ATXN7: variants seen among roughly 807,000 people sequenced by gnomAD.
ATXN7 encodes the protein ataxin 7, also known as ataxin-7.
A neutral mutation model predicts 70.5 loss-of-function variants in ATXN7; 12 were observed. The observed-to-expected ratio is 0.17, with a 90% CI of 0.11 to 0.28. ATXN7 has a LOEUF of 0.28. Ranked by LOEUF, ATXN7 falls within the 10% of genes least tolerant of loss-of-function variation. The probability of loss-of-function intolerance (pLI) is 1.00; values close to 1 mark genes in which losing one functional copy is unlikely to be tolerated. For missense variants in ATXN7, 1,256 were observed against 1,131.7 expected, an observed-to-expected ratio of 1.11 and a Z score of -1.58; for synonymous variants, 498 against 448.7, an observed-to-expected ratio of 1.11 and a Z score of -1.39.
rs181158691 is a variant in ATXN7, at chr3:63,876,049, T to A, written c.-111+11891T>A. Among the ~76,000 whole-genome samples the A allele has an allele frequency of 3.2e-3, 494 of 152,322 alleles. 1 individual carries two copies. Among genetic ancestry groups the A allele is most frequent in the Non-Finnish European group, 5.3e-3 (363 of 68,028 alleles). On this transcript the variant is annotated intron_variant, in intron 1 of 12. Coordinates refer to ENST00000674280, the MANE Select transcript of ATXN7 (RefSeq NM_001377405.1). ...CACTGATTTCTACAGCTTCTAACCA[T>A]GTTTTGATAAGCACTAGTCAAAAAA...
intron 4 of ATXN7, among the ~76,000 whole-genome samples, chr3:63,938,347 A>C (rs1454058627): frequency 6.6e-6 from 1 of 152,252 alleles, no homozygotes; most frequent in Non-Finnish European, 1.5e-5. Flanking sequence ...CTTGCATTTA[A>C]GTATTTCCCA....
chr3:63,978,399 G>A (rs561452418), intron 5 of ATXN7, among the ~76,000 whole-genome samples: 24 of 152,258 alleles, frequency 1.6e-4, no homozygotes, highest in African/African-American at 5.5e-4. Flanking sequence ...CACAGAAGCT[G>A]TATCGTCTAA....
At chr3:63,879,893 A>G (rs933981059) in intron 1 of ATXN7, among the ~76,000 whole-genome samples, 1 of 151,714 alleles carries the variant, frequency 6.6e-6, no homozygotes, top group Admixed American at 6.6e-5. Context: ...ACCATCCTGG[A>G]TAACATGGTG....
At chr3:63,955,636 T>TGG (rs1176905721) in intron 5 of ATXN7, among the ~76,000 whole-genome samples, 1 of 152,256 alleles carries the variant, frequency 6.6e-6, no homozygotes, top group Non-Finnish European at 1.5e-5. Context: ...AGCCAGTTGT[T>TGG]GCATTATTGT....
intron 5 of ATXN7, among the ~76,000 whole-genome samples, chr3:63,954,834 G>A (rs563723855): frequency 2.7e-4 from 40 of 149,098 alleles, no homozygotes; most frequent in African/African-American, 8.6e-4. Context: ...TCAGCCTCCC[G>A]AGTAGCTGGG....
intron 1 of ATXN7, among the ~76,000 whole-genome samples, chr3:63,865,792 G>A (rs1197295089): frequency 2.0e-5 from 3 of 149,310 alleles, no homozygotes; most frequent in Non-Finnish European, 4.5e-5. Flanking sequence ...CTACTTGGGA[G>A]GCTGAGGCAG....
intron 1 of ATXN7, among the ~76,000 whole-genome samples, 132 bp downstream of exon 1, chr3:63,864,290 A>G (rs1370058507): frequency 2.1e-5 from 3 of 141,848 alleles, no homozygotes; most frequent in Non-Finnish European, 4.6e-5. Context: ...TGACGCTGCT[A>G]GGGGTGGGCT....
At chr3:63,867,630 C>T (rs1702472728) in intron 1 of ATXN7, among the ~76,000 whole-genome samples, 1 of 149,838 alleles carries the variant, frequency 6.7e-6, no homozygotes. Context: ...GAGGCCAAGG[C>T]GGGTGGATCA....
rs117291483 is a variant in ATXN7 at position 63,900,376 on chromosome 3, A to C, written c.-12+1879A>C. ...ACCAATCTGAAACAACTTCACAAAA[A>C]GTGTTTTAGTACTGTTGAGATGTTT... On this transcript the variant is annotated intron_variant, in intron 2 of 12. Transcript: ENST00000674280. 5.9e-5 allele frequency among the ~76,000 whole-genome samples: 9 copies of C among 152,364 alleles called. No homozygotes were observed. The East Asian group carries it at 1.4e-3, about 23-fold the overall frequency.
intron 1 of ATXN7, among the ~76,000 whole-genome samples, chr3:63,866,174 T>C (rs1378555089): frequency 6.6e-6 from 1 of 152,222 alleles, no homozygotes; most frequent in African/African-American, 2.4e-5. Flanking sequence ...AGAAATTTTC[T>C]GGAGTAATAA....
At chr3:63,998,634 C>T in intron 12 of ATXN7, 9 of 985,384 alleles carry the variant, frequency 9.1e-6, no homozygotes, top group Non-Finnish European at 1.1e-5. Context: ...TTATGCTACA[C>T]AAATCCTGGG....
chr3:63,988,075 A>G lies in ATXN7; in HGVS notation c.1112A>G (p.Gln371Arg), dbSNP rs1559658679. The G allele has an allele frequency of 6.2e-7, 1 of 1,614,130 alleles. No homozygotes were observed. Among genetic ancestry groups the G allele is most frequent in the Non-Finnish European group, 8.5e-7 (1 of 1,180,026 alleles). Residue 371 changes from glutamine to arginine, a missense_variant, in exon 9 of 13, where the codon CAG becomes CGG. By Grantham distance (43) the Gln-to-Arg change is conservative. Transcript: ENST00000674280. Reference sequence around the variant, plus strand: ...GGTCCACAGACACATTCCTTAACCCAGCGCAGGGCTGTCCAGGGTAGAAGA... The same window carrying G: ...GGTCCACAGACACATTCCTTAACCCGGCGCAGGGCTGTCCAGGGTAGAAGA... The part of the protein sequence containing the change: ...SLTCKTHSLT[Q>R]RRAVQGRRKR...
Position 64,002,187 on chromosome 3 carries a change from G to C in ATXN7, c.*2720G>C, listed in dbSNP as rs1576014052. The C allele has an allele frequency of 6.6e-6, 1 of 151,976 alleles. No individual in the cohort carries two copies. Among genetic ancestry groups the C allele is most frequent in the African/African-American group, 2.4e-5 (1 of 41,296 alleles). The allele number at this position is 151,976 out of a possible 1,614,324, so 9.4% of individuals were successfully genotyped here. A position where few individuals can be genotyped will look rare whatever the true frequency, so the allele number is the denominator to read the frequency against. On this transcript the variant is annotated 3_prime_UTR_variant, in exon 13 of 13. Coordinates refer to ENST00000674280, the MANE Select transcript of ATXN7 (RefSeq NM_001377405.1). ...TATTTTTGCACAGGTCTTTTTTTCT[G>C]ATATCCTGTTTTGGTACAATTGAGA...
intron 5 of ATXN7, among the ~76,000 whole-genome samples, chr3:63,973,523 A>G (rs1219493468): frequency 6.6e-6 from 1 of 152,026 alleles, no homozygotes; most frequent in Admixed American, 6.5e-5. Flanking sequence ...CTGATGCAGG[A>G]TTTTTCTTCT....
Position 63,979,087 on chromosome 3 carries a change from T to G in ATXN7, c.500-828T>G, listed in dbSNP as rs1447378645. On this transcript the variant is annotated intron_variant, in intron 5 of 12. Coordinates refer to ENST00000674280, the MANE Select transcript of ATXN7 (RefSeq NM_001377405.1). ...TTACTTGTTTCTGATGGTAACATTCTTCAACAGCTCTTGATTTATATTAGT... is the reference window on the plus strand; with the variant it reads ...TTACTTGTTTCTGATGGTAACATTCGTCAACAGCTCTTGATTTATATTAGT... 2.6e-5 allele frequency among the ~76,000 whole-genome samples: 4 copies of G among 152,388 alleles called. No individual in the cohort carries two copies. The South Asian group carries it at 8.3e-4, about 32-fold the overall frequency.
At chr3:63,908,201 G>C (rs544935899) in intron 2 of ATXN7, among the ~76,000 whole-genome samples, 3 of 152,240 alleles carry the variant, frequency 2.0e-5, no homozygotes, top group Non-Finnish European at 4.4e-5. Flanking sequence ...ATGAATTCCA[G>C]CCACTAAGCT....
At chr3:63,888,954 G>A (rs1559621063) in intron 1 of ATXN7, among the ~76,000 whole-genome samples, 1 of 151,784 alleles carries the variant, frequency 6.6e-6, no homozygotes, top group African/African-American at 2.4e-5. Context: ...TTTTCACTTA[G>A]CATTTTAAAA....
intron 5 of ATXN7, among the ~76,000 whole-genome samples, chr3:63,961,865 G>A (rs192996178): frequency 3.8e-4 from 58 of 152,064 alleles, no homozygotes; most frequent in Admixed American, 3.7e-3. Flanking sequence ...GAGATATTTC[G>A]GGATATAAAT....
At chr3:63,873,082 A>T (rs564708328) in intron 1 of ATXN7, among the ~76,000 whole-genome samples, 14 of 152,188 alleles carry the variant, frequency 9.2e-5, no homozygotes, top group Non-Finnish European at 2.1e-4. Context: ...AAAATTTTAC[A>T]TGAATTTTGT....
Sources: gnomAD v4.1 joint callset for allele counts (sites outside exome capture counted in the v4.1 genomes callset) on GRCh38, gnomAD v4.1.1 for gene constraint, MANE v1.5 for transcripts, NCBI Gene and HGNC (gene_info 2026-07-23, HGNC 2026-07-21) for gene names.